TCF12: variants seen among roughly 807,000 people sequenced by gnomAD.
TCF12 encodes transcription factor 12, also known as DNA-binding protein HTF4.
A neutral mutation model predicts 86.0 loss-of-function variants in TCF12; 45 were observed. The ratio of observed to expected loss-of-function variants is 0.52; its 90% CI spans 0.41 to 0.67. TCF12 has a LOEUF of 0.67. Ranked by LOEUF, TCF12 falls within the 30% of genes least tolerant of loss-of-function variation. TCF12 has a pLI of 0.00. For synonymous variants in TCF12, 330 were observed against 299.6 expected (o/e 1.10, Z -1.05); for missense variants, 881 against 859.9 (o/e 1.02, Z -0.31).
At chr15:56,961,726 TGA>T (rs1436153807) in intron 3 of TCF12, among the ~76,000 whole-genome samples, 1 of 152,194 alleles carries the variant, frequency 6.6e-6, no homozygotes, top group African/African-American at 2.4e-5. Flanking sequence ...ATGGAAGCTA[TGA>T]GAGTGTATCA....
intron 5 of TCF12, chr15:57,134,556 T>A (rs958250511): frequency 2.6e-5 from 4 of 152,198 alleles, no homozygotes; most frequent in Admixed American, 6.5e-5. Context: ...TTAATGCATA[T>A]AAAGATTCTT....
chr15:57,175,442 T>A (rs759934113), intron 6 of TCF12, among the ~76,000 whole-genome samples: 2 of 152,210 alleles, frequency 1.3e-5, no homozygotes, highest in Non-Finnish European at 2.9e-5. Flanking sequence ...TTAAGTACAG[T>A]GAATTAGCAA....
chr15:57,179,340 T>TA (rs1338220619), intron 6 of TCF12, among the ~76,000 whole-genome samples: 24 of 152,058 alleles, frequency 1.6e-4, no homozygotes, highest in African/African-American at 5.5e-4. Flanking sequence ...CAAAAAAAAT[T>TA]AGTCAAGCAT....
intron 13 of TCF12, among the ~76,000 whole-genome samples, chr15:57,249,490 A>G (rs2060010954): frequency 1.3e-5 from 2 of 152,160 alleles, no homozygotes; most frequent in African/African-American, 4.8e-5. Flanking sequence ...TGTAATTATA[A>G]CAGTATGCAT....
Position 57,271,974 on chromosome 15 carries a change from C to T in TCF12, c.1746-1056C>T, listed in dbSNP as rs543893738. Among the ~76,000 whole-genome samples the T allele has an allele frequency of 1.2e-3, 179 of 152,312 alleles. 1 individual carries two copies. Among genetic ancestry groups the T allele is most frequent in the African/African-American group, 4.1e-3 (172 of 41,560 alleles). On this transcript the variant is annotated intron_variant, in intron 18 of 20. Transcript: ENST00000333725. ...CCCCTTGGTAGTGAGTCCCTTTCCTCCATCCCGTGGTCCTTGGCAACCATT... is the reference window on the plus strand; with the variant it reads ...CCCCTTGGTAGTGAGTCCCTTTCCTTCATCCCGTGGTCCTTGGCAACCATT...
Position 57,166,419 on chromosome 15 carries a change from G to A in TCF12, c.343G>A (p.Gly115Ser), listed in dbSNP as rs1357616417. 9 of 1,611,870 alleles carry A rather than the reference G, an allele frequency of 5.6e-6. No individual in the cohort carries two copies. The highest frequency in any genetic ancestry group is 7.6e-6 in the Non-Finnish European group (9 of 1,179,208). ...SNLMGKTSER[G>S]SFSLYSRDTG... is the part of the protein sequence containing the mutation. ...TTTTATAGGAAAAACATCAGAGAGA[G>A]GCTCATTTTCCCTGTACAGCAGAGA... The change falls in exon 6 of 21, where the codon GGC (glycine) becomes AGC (serine). Residue 115 changes from glycine to serine, a missense_variant. Physicochemically the swap from Gly to Ser is moderately conservative, Grantham distance 56. Transcript: ENST00000333725.
chr15:57,076,356 T>G (rs1428334606), intron 4 of TCF12, among the ~76,000 whole-genome samples: 1 of 152,208 alleles, frequency 6.6e-6, no homozygotes, highest in East Asian at 1.9e-4. Context: ...ATGATAAATC[T>G]TTAAGAAAGG....
intron 3 of TCF12, among the ~76,000 whole-genome samples, chr15:56,960,470 C>T (rs527369365): frequency 6.7e-6 from 1 of 149,370 alleles, no homozygotes; most frequent in East Asian, 2.0e-4. Context: ...CACTCTGTCA[C>T]CTAAGTTGGA....
intron 5 of TCF12, among the ~76,000 whole-genome samples, chr15:57,165,184 G>T (rs1220358078): frequency 6.6e-6 from 1 of 150,828 alleles, no homozygotes; most frequent in Non-Finnish European, 1.5e-5. Flanking sequence ...GATGTGCAAG[G>T]ATATTTGTTT....
chr15:56,974,953 A>T (rs1229993591), intron 3 of TCF12, among the ~76,000 whole-genome samples: 1 of 152,150 alleles, frequency 6.6e-6, no homozygotes, highest in Non-Finnish European at 1.5e-5. Flanking sequence ...TATTTGTTTA[A>T]TACATTTTAA....
At chr15:57,028,801 C>T (rs1165976374) in intron 3 of TCF12, among the ~76,000 whole-genome samples, 1 of 148,124 alleles carries the variant, frequency 6.8e-6, no homozygotes, top group East Asian at 2.0e-4. Flanking sequence ...ATATGTAGTC[C>T]TTTTTTTTTT....
chr15:57,091,934 T>C (rs371668099), intron 5 of TCF12, 43 bp downstream of exon 5: 26 of 1,529,438 alleles, frequency 1.7e-5, no homozygotes, highest in Non-Finnish European at 2.3e-5. Context: ...CAAAGCTTCT[T>C]TGGTCAGAGA....
intron 3 of TCF12, among the ~76,000 whole-genome samples, chr15:56,960,997 G>T (rs187527406): frequency 6.6e-6 from 1 of 151,858 alleles, no homozygotes; most frequent in Non-Finnish European, 1.5e-5. Context: ...AAAATTAGCT[G>T]GGTGTGGTGG....
chr15:57,085,409 G>A (rs1411068665), intron 4 of TCF12, among the ~76,000 whole-genome samples: 1 of 152,148 alleles, frequency 6.6e-6, no homozygotes, highest in Non-Finnish European at 1.5e-5. Flanking sequence ...CTGGGGTAGT[G>A]TTTATTTTTC....
intron 4 of TCF12, among the ~76,000 whole-genome samples, chr15:57,070,032 T>G (rs1235483827): frequency 6.6e-6 from 1 of 152,160 alleles, no homozygotes; most frequent in Non-Finnish European, 1.5e-5. Flanking sequence ...TCTTTTTTCA[T>G]TGATTAAAAG....
In TCF12 at chr15:56,941,040, T is replaced by G; in HGVS notation, c.148+19942T>G. ...CCTCCCAAAATGCTGGGATTACATA[T>G]GTGAGCCACCGTGCCAGGCCTTTAA... On this transcript the variant is annotated intron_variant, in intron 3 of 20. Transcript: ENST00000333725. Among the ~76,000 whole-genome samples the G allele has an allele frequency of 2.7e-5, 4 of 150,478 alleles. No homozygotes were observed. In the Middle Eastern group the frequency reaches 0.014, roughly 519 times the overall value.
At position 56,919,905 on chromosome 15, in the gene TCF12, T is replaced by G; in HGVS notation, c.-9T>G. ...CCTCTGCCCTAGGACCTGCTAGAAGTGGCCGAAGATGAATCCCCAGCAACA... is the reference window on the plus strand; with the variant it reads ...CCTCTGCCCTAGGACCTGCTAGAAGGGGCCGAAGATGAATCCCCAGCAACA... On this transcript the variant is annotated 5_prime_UTR_variant, in exon 2 of 21. Transcript: ENST00000333725. 1 of 1,613,840 alleles carries G rather than the reference T, an allele frequency of 6.2e-7. No homozygotes were observed. The highest frequency in any genetic ancestry group is 8.5e-7 in the Non-Finnish European group (1 of 1,179,910).
At chr15:56,975,499 A>G (rs2062550903) in intron 3 of TCF12, among the ~76,000 whole-genome samples, 1 of 152,150 alleles carries the variant, frequency 6.6e-6, no homozygotes, top group Non-Finnish European at 1.5e-5. Context: ...TCTTTTAGCA[A>G]TTTCAAATTA....
intron 5 of TCF12, among the ~76,000 whole-genome samples, chr15:57,165,028 G>A (rs1596971938): frequency 6.6e-6 from 1 of 152,274 alleles, no homozygotes; most frequent in East Asian, 1.9e-4. Context: ...AATGGGCGTG[G>A]TGACTTCTGA....
Sources: gnomAD v4.1 joint callset for allele counts (sites outside exome capture counted in the v4.1 genomes callset) on GRCh38, gnomAD v4.1.1 for gene constraint, MANE v1.5 for transcripts, NCBI Gene and HGNC (gene_info 2026-07-23, HGNC 2026-07-21) for gene names.